SPRED1: variants seen among roughly 807,000 people sequenced by gnomAD.
The protein encoded by SPRED1 is sprouty-related, EVH1 domain-containing protein 1.
SPRED1 carries 18 observed loss-of-function variants against 52.3 expected under a neutral mutation model. That is an observed-to-expected ratio of 0.34 (90% CI 0.24 to 0.51). The LOEUF (loss-of-function observed/expected upper bound fraction) is 0.51. SPRED1 is among the 20% of genes least tolerant of loss of function. The pLI is 0.97. For synonymous variants in SPRED1, 155 were observed against 179.7 expected, an observed-to-expected ratio of 0.86 and a Z score of 1.10; for missense variants, 485 against 551.0, an observed-to-expected ratio of 0.88 and a Z score of 1.20.
chr15:38,354,512 C>T lies in SPRED1; in HGVS notation c.*2848C>T, dbSNP rs754227753. 3.3e-5 allele frequency: 5 copies of T among 152,128 alleles called. No individual in the cohort carries two copies. Among genetic ancestry groups the T allele is most frequent in the African/African-American group, 7.2e-5 (3 of 41,422 alleles). 9.4% of individuals were successfully genotyped at this position (152,128 alleles called of 1,614,324 possible). A position where few individuals can be genotyped will look rare whatever the true frequency, so the allele number is the denominator to read the frequency against. On this transcript the variant is annotated 3_prime_UTR_variant, in exon 7 of 7. Coordinates refer to ENST00000299084, the MANE Select transcript of SPRED1 (RefSeq NM_152594.3). Reference sequence around the variant, plus strand: ...AGTATGTCGTGTGGAGCTTCAGCACCACCTACTGGATGATTTCCAGGCCAG... The same window carrying T: ...AGTATGTCGTGTGGAGCTTCAGCACTACCTACTGGATGATTTCCAGGCCAG...
intron 1 of SPRED1, among the ~76,000 whole-genome samples, chr15:38,264,512 A>G (rs1414571447): frequency 6.6e-6 from 1 of 152,200 alleles, no homozygotes; most frequent in African/African-American, 2.4e-5. Flanking sequence ...AGGGAAGATT[A>G]AAGTAGAAAC....
At chr15:38,347,121 C>G (rs970413160) in intron 5 of SPRED1, among the ~76,000 whole-genome samples, 11 of 152,128 alleles carry the variant, frequency 7.2e-5, no homozygotes, top group Admixed American at 1.3e-4. Context: ...TTTACAGACT[C>G]TTCCCTATCC....
At chr15:38,338,179 C>T (rs1029971055) in intron 4 of SPRED1, among the ~76,000 whole-genome samples, 1 of 150,984 alleles carries the variant, frequency 6.6e-6, no homozygotes, top group Non-Finnish European at 1.5e-5. Context: ...TCACTGCACT[C>T]CAGCCTGAGT....
intron 5 of SPRED1, among the ~76,000 whole-genome samples, chr15:38,342,493 A>G (rs753096791): frequency 6.6e-6 from 1 of 152,022 alleles, no homozygotes; most frequent in Non-Finnish European, 1.5e-5. Context: ...ACATTCTTCA[A>G]TACCTTATGT....
rs1176415754 is a variant in SPRED1 at position 38,356,115 on chromosome 15, A to G, written c.*4451A>G. 1 of 152,152 alleles carries G rather than the reference A, an allele frequency of 6.6e-6. No homozygotes were observed. Among genetic ancestry groups the G allele is most frequent in the African/African-American group, 2.4e-5 (1 of 41,460 alleles). 9.4% of individuals were successfully genotyped at this position (152,152 alleles called of 1,614,324 possible). On this transcript the variant is annotated 3_prime_UTR_variant, in exon 7 of 7. Transcript: ENST00000299084. ...AAAAGTCTTTGTATTAAAAATACAC[A>G]TAGATTTTTGTGAACATTTCCAGTG...
chr15:38,341,658 C>T (rs1406473536), intron 5 of SPRED1, among the ~76,000 whole-genome samples: 2 of 152,014 alleles, frequency 1.3e-5, no homozygotes, highest in Admixed American at 1.3e-4. Context: ...TGTTTCATTT[C>T]TAAATATTTG....
At chr15:38,311,361 G>T (rs1895362828) in intron 2 of SPRED1, among the ~76,000 whole-genome samples, 1 of 152,118 alleles carries the variant, frequency 6.6e-6, no homozygotes, top group Non-Finnish European at 1.5e-5. Flanking sequence ...GTTCATTAGA[G>T]ATAATAGTCT....
chr15:38,304,209 G>A (rs540419140), intron 2 of SPRED1, among the ~76,000 whole-genome samples: 1 of 152,230 alleles, frequency 6.6e-6, no homozygotes, highest in African/African-American at 2.4e-5. Flanking sequence ...GAAAGACCAG[G>A]GAAACATCTT....
At chr15:38,336,370 G>A (rs990326876) in intron 4 of SPRED1, among the ~76,000 whole-genome samples, 3 of 130,600 alleles carry the variant, frequency 2.3e-5, no homozygotes, top group African/African-American at 5.8e-5. Flanking sequence ...TCAATGAGTG[G>A]ATAAAGAAAA....
At chr15:38,263,910 T>C (rs570974275) in intron 1 of SPRED1, among the ~76,000 whole-genome samples, 1 of 152,234 alleles carries the variant, frequency 6.6e-6, no homozygotes, top group Admixed American at 6.5e-5. Flanking sequence ...ATGCAGCCCA[T>C]GGGCCGCGGG....
At chr15:38,319,839 G>A (rs1221111186) in intron 2 of SPRED1, among the ~76,000 whole-genome samples, 1 of 152,194 alleles carries the variant, frequency 6.6e-6, no homozygotes, top group East Asian at 1.9e-4. Flanking sequence ...ATTATATTCA[G>A]TGGTATGCTG....
intron 4 of SPRED1, among the ~76,000 whole-genome samples, chr15:38,339,197 AACCT>A (rs778677808): frequency 5.1e-4 from 78 of 152,104 alleles, no homozygotes; most frequent in Non-Finnish European, 1.1e-3. Flanking sequence ...CATATCTCCC[AACCT>A]AAGTCTAATA....
chr15:38,272,076 A>G (rs1388878502), intron 1 of SPRED1, among the ~76,000 whole-genome samples: 2 of 152,052 alleles, frequency 1.3e-5, no homozygotes, highest in Non-Finnish European at 2.9e-5. Context: ...TGCAAAGGAC[A>G]TGATTTTGTT....
chr15:38,324,864 T>C, intron 4 of SPRED1, 55 bp downstream of exon 4: 1 of 1,365,412 alleles, frequency 7.3e-7, no homozygotes, highest in South Asian at 1.2e-5. Flanking sequence ...AAGAAATCAC[T>C]AGCCTTATTC....
In SPRED1 at chr15:38,351,613, C is replaced by T. The variant is rs2141016758; in HGVS notation, c.1284C>T (p.Arg428=). The part of the protein sequence containing the change: ...CCYVPLRMCH[R]CGEACGCCGG... ...ACGTCCCTTTGAGAATGTGCCATCG[C>T]TGTGGTGAGGCATGTGGTTGCTGTG... The change falls in exon 7 of 7, where the codon CGC becomes CGT. Residue 428 remains arginine (R), a synonymous_variant. Coordinates refer to ENST00000299084, the MANE Select transcript of SPRED1 (RefSeq NM_152594.3). The T allele has an allele frequency of 6.2e-7, 1 of 1,614,046 alleles. No individual in the cohort carries two copies. Among genetic ancestry groups the T allele is most frequent in the South Asian group, 1.1e-5 (1 of 91,084 alleles).
At chr15:38,255,406 G>A (rs1352655547) in intron 1 of SPRED1, among the ~76,000 whole-genome samples, 1 of 151,968 alleles carries the variant, frequency 6.6e-6, no homozygotes, top group East Asian at 1.9e-4. Context: ...TAGGAGCTTT[G>A]TAATACTTTT....
At chr15:38,273,140 C>T (rs553241074) in intron 1 of SPRED1, among the ~76,000 whole-genome samples, 8 of 152,202 alleles carry the variant, frequency 5.3e-5, no homozygotes, top group South Asian at 4.1e-4. Context: ...TTTTCTTCTA[C>T]GATTCTTATA....
intron 1 of SPRED1, among the ~76,000 whole-genome samples, chr15:38,279,473 C>G (rs1222370253): frequency 1.3e-5 from 2 of 152,190 alleles, no homozygotes; most frequent in Non-Finnish European, 1.5e-5. Flanking sequence ...GCATCTCAAT[C>G]AAAAGAGGAT....
chr15:38,255,158 A>G (rs1254333259), intron 1 of SPRED1, among the ~76,000 whole-genome samples: 1 of 152,216 alleles, frequency 6.6e-6, no homozygotes, highest in Non-Finnish European at 1.5e-5. Context: ...TTTTTTGTAT[A>G]GTGATAGTGC....
Sources: gnomAD v4.1 joint callset for allele counts (sites outside exome capture counted in the v4.1 genomes callset) on GRCh38, gnomAD v4.1.1 for gene constraint, MANE v1.5 for transcripts, NCBI Gene and HGNC (gene_info 2026-07-23, HGNC 2026-07-21) for gene names.